MAN1B1: variants seen among roughly 807,000 people sequenced by gnomAD.
The protein encoded by MAN1B1 is mannosidase alpha class 1B member 1.
MAN1B1 carries 66 observed loss-of-function variants against 75.5 expected under a neutral mutation model. That is an observed-to-expected ratio of 0.87 (90% CI 0.72 to 1.07). The LOEUF (loss-of-function observed/expected upper bound fraction) is 1.07. MAN1B1 is among the 50% of genes least tolerant of loss of function. The pLI is 0.00. For synonymous variants in MAN1B1, 453 were observed against 382.8 expected, an observed-to-expected ratio of 1.18 and a Z score of -2.14; for missense variants, 973 against 912.5, an observed-to-expected ratio of 1.07 and a Z score of -0.85.
chr9:137,107,172 C>G, intron 10 of MAN1B1, 78 bp from the exon 11 acceptor site: 1 of 1,490,222 alleles, frequency 6.7e-7, no homozygotes, highest in Non-Finnish European at 9.2e-7. Flanking sequence ...GCGCTGGGCT[C>G]CCACGTTGGC....
Position 137,106,178 on chromosome 9 carries a change from TGGGCTG to T in MAN1B1, c.1310_1315del (p.Gly437_Leu438del), listed in dbSNP as rs1831091801. The T allele has an allele frequency of 6.2e-7, 1 of 1,612,696 alleles. No individual in the cohort carries two copies. The highest frequency in any genetic ancestry group is 1.3e-5 in the African/African-American group (1 of 74,934). On this transcript the variant is annotated inframe_deletion, in exon 9 of 13. Coordinates refer to ENST00000371589, the MANE Select transcript of MAN1B1 (RefSeq NM_016219.5). ...TCCACGGCCTGTCTGGGAAGAAGGA[TGGGCTG>T]GTGCCCATGTTCATCAATACCCACA...
intron 8 of MAN1B1, chr9:137,102,828 T>G (rs62584554): frequency 9.8e-5 from 25 of 255,408 alleles, no homozygotes; most frequent in Admixed American, 1.7e-4. Context: ...GTCGGTGGTG[T>G]TACACACATT....
At chr9:137,099,440 G>A (rs1830745704) in intron 5 of MAN1B1, among the ~76,000 whole-genome samples, 1 of 152,240 alleles carries the variant, frequency 6.6e-6, no homozygotes, top group Admixed American at 6.5e-5. Context: ...GCCCCAGTCA[G>A]GTGGTCGGGT....
intron 3 of MAN1B1, among the ~76,000 whole-genome samples, chr9:137,093,629 G>A (rs1263172824): frequency 6.6e-6 from 1 of 151,988 alleles, no homozygotes; most frequent in African/African-American, 2.4e-5. Context: ...AGGAGATTGA[G>A]ACCATCCTGG....
chr9:137,091,956 C>G (rs1220655530), intron 3 of MAN1B1, among the ~76,000 whole-genome samples: 1 of 152,212 alleles, frequency 6.6e-6, no homozygotes, highest in East Asian at 1.9e-4. Flanking sequence ...CCACACCTGT[C>G]TGATTTCAAA....
intron 8 of MAN1B1, chr9:137,105,838 C>T (rs1490918425): frequency 3.4e-6 from 2 of 596,648 alleles, no homozygotes; most frequent in Non-Finnish European, 6.3e-6. Flanking sequence ...AGATGCTGTC[C>T]CTTCGAGTAA....
rs146947791 is a variant in MAN1B1 at position 137,087,037 on chromosome 9, G to C, written c.38G>C (p.Gly13Ala). 16 of 1,603,358 alleles carry C rather than the reference G, an allele frequency of 1.0e-5. No homozygotes were observed. In the African/African-American group the frequency reaches 2.0e-4, roughly 20 times the overall value. Residue 13 changes from glycine to alanine, a missense_variant, in exon 1 of 13, where the codon GGT (glycine) becomes GCT (alanine). Physicochemically the swap from Gly to Ala is moderately conservative, Grantham distance 60. Transcript: ENST00000371589. ...ACEGRRSGAL[G>A]SSQSDFLTPP... ...GAGGGCAGGAGAAGCGGAGCTCTCG[G>C]TTCCTCTCAGTCGGACTTCCTGACG...
At position 137,087,053 on chromosome 9, in the gene MAN1B1, C is replaced by T; in HGVS notation, c.54C>T (p.Asp18=). ...RSGALGSSQS[D]FLTPPVGGAP... ...GAGCTCTCGGTTCCTCTCAGTCGGA[C>T]TTCCTGACGCCGCCAGTGGGCGGGG... Residue 18 remains aspartate (D), a synonymous_variant, in exon 1 of 13, where the codon GAC becomes GAT. Coordinates refer to ENST00000371589, the MANE Select transcript of MAN1B1 (RefSeq NM_016219.5). The T allele has an allele frequency of 6.2e-7, 1 of 1,604,586 alleles. No homozygotes were observed. Among genetic ancestry groups the T allele is most frequent in the Non-Finnish European group, 8.5e-7 (1 of 1,177,218 alleles).
rs1189884878 is a variant in MAN1B1, at chr9:137,087,168, G to C, written c.169G>C (p.Gly57Arg). 2.5e-6 allele frequency: 4 copies of C among 1,594,756 alleles called. No homozygotes were observed. The highest frequency in any genetic ancestry group is 1.1e-5 in the South Asian group (1 of 88,336). ...CTTCATCTCGGTGACGCTGAGCTTT[G>C]GCGAGAACTATGACAACAGCAAGAG... ...RDFISVTLSF[G>R]ENYDNSKSWR... is the part of the protein sequence containing the mutation. The change falls in exon 1 of 13, where the codon GGC becomes CGC. Residue 57 changes from glycine (G) to arginine (R), a missense_variant. By Grantham distance (125) the Gly-to-Arg change is moderately radical (BLOSUM62 -2). Transcript: ENST00000371589.
intron 3 of MAN1B1, 192 bp downstream of exon 3, chr9:137,089,197 A>G (rs1830458488): frequency 2.8e-6 from 2 of 705,864 alleles, no homozygotes. Flanking sequence ...TTTGAAGACC[A>G]GCCATGGCCA....
Position 137,099,790 on chromosome 9 carries a change from G to A in MAN1B1, c.825G>A (p.Lys275=). The change falls in exon 6 of 13, where the codon AAG becomes AAA. Residue 275 remains lysine, a synonymous_variant. Transcript: ENST00000371589. ...RKFAWGHDEL[K]PVSRSFSEWF... is the part of the protein sequence containing the mutation. ...TTGCATGGGGCCATGACGAGCTGAA[G>A]CCTGTGTCCAGGTCCTTCAGTGAGT... is the stretch of plus-strand genomic sequence containing the variant. 1.2e-6 allele frequency: 2 copies of A among 1,614,246 alleles called. No individual in the cohort carries two copies. The highest frequency in any genetic ancestry group is 1.7e-6 in the Non-Finnish European group (2 of 1,180,050).
At chr9:137,105,579 C>T (rs898645629) in intron 8 of MAN1B1, 8 of 306,204 alleles carry the variant, frequency 2.6e-5, no homozygotes, top group Non-Finnish European at 3.1e-5. Context: ...CCCTAACATC[C>T]CGGTACCCTG....
rs536127999 is a variant in MAN1B1 at position 137,097,915 on chromosome 9, G to A, written c.708G>A (p.Pro236=). 70 of 1,558,684 alleles carry A rather than the reference G, an allele frequency of 4.5e-5. No homozygotes were observed. The highest frequency in any genetic ancestry group is 2.3e-4 in the Admixed American group (12 of 52,096). ...TGCCCACCAAGCCTCCCCTGCCACC[G>A]GCCAGGACACAGGGCACACCAGGTG... The part of the protein sequence containing the change: ...AEVPTKPPLP[P]ARTQGTPVHL... Residue 236 remains proline, a synonymous_variant, in exon 5 of 13, where the codon CCG becomes CCA. Transcript: ENST00000371589.
In MAN1B1 at chr9:137,107,299, A is replaced by G; in HGVS notation, c.1616A>G (p.His539Arg). ...GGGACGCTGGCTCTGGGCGTCTACC[A>G]CGGCCTGCCCGCCAGCCACATGGAG... is the stretch of plus-strand genomic sequence containing the variant. ...LPGTLALGVY[H>R]GLPASHMELA... The change falls in exon 11 of 13, where the codon CAC becomes CGC. Residue 539 changes from histidine (H) to arginine (R), a missense_variant. By Grantham distance (29) the His-to-Arg change is conservative. Transcript: ENST00000371589. 6.2e-7 allele frequency: 1 copy of G among 1,613,070 alleles called. No homozygotes were observed. The highest frequency in any genetic ancestry group is 8.5e-7 in the Non-Finnish European group (1 of 1,179,990).
chr9:137,097,797 G>T, intron 4 of MAN1B1, 31 bp from the exon 5 acceptor site: 8 of 1,485,988 alleles, frequency 5.4e-6, no homozygotes, highest in South Asian at 1.2e-5. Context: ...AATGTTTGAC[G>T]GCAGCTGACA....
chr9:137,097,539 G>A (rs954796682), intron 4 of MAN1B1, among the ~76,000 whole-genome samples: 1 of 152,168 alleles, frequency 6.6e-6, no homozygotes, highest in South Asian at 2.1e-4. Context: ...CCACCATAGA[G>A]GCCCCCCGCC....
chr9:137,106,083 C>T (rs538348282), intron 8 of MAN1B1, 42 bp from the exon 9 acceptor site: 20 of 1,537,576 alleles, frequency 1.3e-5, no homozygotes, highest in Admixed American at 3.4e-5. Context: ...CCCTGCAGCT[C>T]GGCCCTGGCC....
chr9:137,108,948 G>A lies in MAN1B1; in HGVS notation c.*357G>A. 2.1e-6 allele frequency: 1 copy of A among 482,790 alleles called. No homozygotes were observed. Among genetic ancestry groups the A allele is most frequent in the South Asian group, 1.5e-5 (1 of 64,774 alleles). The allele number at this position is 482,790 out of a possible 1,614,324, so 29.9% of individuals were successfully genotyped here. On this transcript the variant is annotated 3_prime_UTR_variant, in exon 13 of 13. Coordinates refer to ENST00000371589, the MANE Select transcript of MAN1B1 (RefSeq NM_016219.5). Reference sequence around the variant, plus strand: ...GACCGAGTGGACAGCCCAGGGTGCAGCTCTGCCCGGGCTCGTGAAGCCTCA... The same window carrying A: ...GACCGAGTGGACAGCCCAGGGTGCAACTCTGCCCGGGCTCGTGAAGCCTCA...
In MAN1B1 at chr9:137,108,606, G is replaced by A; in HGVS notation, c.*15G>A. On this transcript the variant is annotated 3_prime_UTR_variant, in exon 13 of 13. Coordinates refer to ENST00000371589, the MANE Select transcript of MAN1B1 (RefSeq NM_016219.5). ...CCCCTGCCTAGGGTGGATGGCTGCT[G>A]GTGTGGGGACTTCGGGTGGGCAGAG... 1 of 1,613,134 alleles carries A rather than the reference G, an allele frequency of 6.2e-7. No homozygotes were observed. The highest frequency in any genetic ancestry group is 8.5e-7 in the Non-Finnish European group (1 of 1,179,622).
Sources: allele counts gnomAD v4.1 joint callset (sites outside exome capture counted in the v4.1 genomes callset), GRCh38; gene constraint gnomAD v4.1.1; transcripts MANE v1.5; gene names NCBI Gene and HGNC (gene_info 2026-07-23, HGNC 2026-07-21).